Variants in NEXMIF observed in about 807,000 individuals in gnomAD.
NEXMIF encodes the protein XLMR protein related to neurite extension.
Under a neutral mutation model 62.1 loss-of-function variants are expected in NEXMIF, and 8 were observed. The ratio of observed to expected loss-of-function variants is 0.13; its 90% CI spans 0.08 to 0.23. The LOEUF (loss-of-function observed/expected upper bound fraction) is 0.23, where lower values mean the gene tolerates loss of function less well. Among genes scored for constraint, NEXMIF ranks in the 10% least tolerant of loss-of-function variants. NEXMIF has a pLI of 1.00. For synonymous variants in NEXMIF, 404 were observed against 416.6 expected (o/e 0.97, Z 0.37); for missense variants, 976 against 1,113.3 (o/e 0.88, Z 1.75).
chrX:74,769,562 A>G, intron 1 of NEXMIF: 1 of 406,100 alleles, frequency 2.5e-6, no homozygotes, highest in Non-Finnish European at 4.4e-6. Flanking sequence ...TGGCTCTGCC[A>G]GCGCTGAGAA....
At chrX:74,794,510 C>T (rs2080298630) in intron 1 of NEXMIF, among the ~76,000 whole-genome samples, 2 of 112,037 alleles carry the variant, frequency 1.8e-5, no homozygotes, top group East Asian at 2.8e-4. Context: ...CCACCCAGTT[C>T]GAGCTTCCCG....
At chrX:74,797,777 T>C (rs942510400) in intron 1 of NEXMIF, among the ~76,000 whole-genome samples, 1 of 111,802 alleles carries the variant, frequency 8.9e-6, no homozygotes, top group African/African-American at 3.3e-5. Context: ...GGCCAAAGCT[T>C]TCCTTGGGCT....
intron 1 of NEXMIF, among the ~76,000 whole-genome samples, chrX:74,891,312 G>A (rs369160699): frequency 5.0e-3 from 477 of 95,293 alleles, no homozygotes; most frequent in Non-Finnish European, 7.8e-3. Flanking sequence ...CAATATTCAG[G>A]AGGGTTTTTT....
chrX:74,861,719 C>T (rs1317917755), intron 1 of NEXMIF, among the ~76,000 whole-genome samples: 1 of 111,672 alleles, frequency 9.0e-6, no homozygotes, highest in African/African-American at 3.3e-5. Flanking sequence ...GAATTTCCAA[C>T]CCAGAATTTC....
intron 1 of NEXMIF, among the ~76,000 whole-genome samples, chrX:74,813,242 TC>T (rs1453751100): frequency 9.0e-6 from 1 of 110,970 alleles, no homozygotes; most frequent in Non-Finnish European, 1.9e-5. Flanking sequence ...CTGCATTAAG[TC>T]CAACATTTAA....
intron 1 of NEXMIF, among the ~76,000 whole-genome samples, chrX:74,783,463 A>G (rs906114172): frequency 8.9e-6 from 1 of 111,908 alleles, no homozygotes; most frequent in Admixed American, 9.5e-5. Context: ...CTAGCACATT[A>G]AAGAGCCTAC....
intron 1 of NEXMIF, among the ~76,000 whole-genome samples, chrX:74,852,742 C>T (rs888323329): frequency 6.3e-5 from 7 of 111,315 alleles, no homozygotes; most frequent in Middle Eastern, 4.6e-3. Flanking sequence ...TAAAAATTTC[C>T]TGAAACAAAT....
At chrX:74,872,668 T>C (rs2080607083) in intron 1 of NEXMIF, among the ~76,000 whole-genome samples, 1 of 109,727 alleles carries the variant, frequency 9.1e-6, no homozygotes, top group African/African-American at 3.3e-5. Context: ...TAAAAATAAC[T>C]AAAACAGTAT....
intron 1 of NEXMIF, among the ~76,000 whole-genome samples, chrX:74,794,307 C>G (rs2080297501): frequency 1.9e-5 from 2 of 105,899 alleles, no homozygotes; most frequent in Non-Finnish European, 2.0e-5. Flanking sequence ...GGGTCAGGGA[C>G]CCACTTGAGG....
At chrX:74,775,023 G>T (rs2080224686) in intron 1 of NEXMIF, among the ~76,000 whole-genome samples, 1 of 111,603 alleles carries the variant, frequency 9.0e-6, no homozygotes, top group African/African-American at 3.3e-5. Context: ...GTGTCATTCT[G>T]GCCCCTGTTA....
rs775487974 is a variant in NEXMIF at position 74,766,372 on chromosome X, A to G, written c.-47-20675T>C. 3.3e-3 allele frequency among the ~76,000 whole-genome samples: 367 copies of G among 112,221 alleles called. 3 individuals are homozygous for G. The highest frequency in any genetic ancestry group is 5.6e-3 in the Non-Finnish European group (299 of 53,290). ...CTCTCCCTTCCTTTCAGAAATGCCA[A>G]TGATTTGTAGCTTTGCCCTCTTTAC... On this transcript the variant is annotated intron_variant, in intron 1 of 3. Transcript: ENST00000055682.
intron 1 of NEXMIF, among the ~76,000 whole-genome samples, chrX:74,908,695 C>CAT: frequency 9.0e-6 from 1 of 111,343 alleles, no homozygotes; most frequent in Admixed American, 9.4e-5. Flanking sequence ...TGCACGTGCA[C>CAT]ACACACACAC....
At chrX:74,770,085 A>G (rs2080205428) in intron 1 of NEXMIF, among the ~76,000 whole-genome samples, 1 of 112,051 alleles carries the variant, frequency 8.9e-6, no homozygotes, top group Admixed American at 9.5e-5. Flanking sequence ...TAGTGTGTGT[A>G]TCTGTCCTGA....
intron 1 of NEXMIF, among the ~76,000 whole-genome samples, chrX:74,832,489 C>CT (rs2080441248): frequency 9.0e-6 from 1 of 111,009 alleles, no homozygotes; most frequent in African/African-American, 3.3e-5. Flanking sequence ...GACTTTCTCT[C>CT]TTTTTTTATT....
intron 1 of NEXMIF, among the ~76,000 whole-genome samples, chrX:74,796,111 T>C (rs1316917875): frequency 4.9e-5 from 4 of 80,943 alleles, no homozygotes; most frequent in Non-Finnish European, 9.0e-5. Flanking sequence ...GCTTTATATA[T>C]ATTATATATA....
chrX:74,803,396 AAAATAAAT>A (rs921750881), intron 1 of NEXMIF, among the ~76,000 whole-genome samples: 1 of 110,018 alleles, frequency 9.1e-6, no homozygotes, highest in African/African-American at 3.3e-5. Context: ...TAAAAATACA[AAAATAAAT>A]AAATAAATAA....
rs765350694 is a variant in NEXMIF, at chrX:74,846,384, C to G, written c.-48+78499G>C. Among the ~76,000 whole-genome samples the G allele has an allele frequency of 3.6e-5, 4 of 112,102 alleles. No individual in the cohort carries two copies. The East Asian group carries it at 1.1e-3, about 31-fold the overall frequency. ...AGGCCTTGCATAAATTCCACTCCCA[C>G]CACTAAACCTTCTCAAGACCACTCT... is the stretch of plus-strand genomic sequence containing the variant. On this transcript the variant is annotated intron_variant, in intron 1 of 3. Coordinates refer to ENST00000055682, the MANE Select transcript of NEXMIF (RefSeq NM_001008537.3).
intron 1 of NEXMIF, among the ~76,000 whole-genome samples, chrX:74,778,092 T>C: frequency 8.9e-6 from 1 of 112,019 alleles, no homozygotes; most frequent in Non-Finnish European, 1.9e-5. Context: ...TTATAAAGAC[T>C]GTGCATGAAC....
At chrX:74,756,203 C>T (rs982213865) in intron 1 of NEXMIF, among the ~76,000 whole-genome samples, 3 of 111,935 alleles carry the variant, frequency 2.7e-5, no homozygotes, top group Non-Finnish European at 5.6e-5. Flanking sequence ...TCTCGTGATC[C>T]GCCCGCCTCG....
Sources: allele counts gnomAD v4.1 joint callset (sites outside exome capture counted in the v4.1 genomes callset), GRCh38; gene constraint gnomAD v4.1.1; transcripts MANE v1.5; gene names NCBI Gene and HGNC (gene_info 2026-07-23, HGNC 2026-07-21).